TSHZ2: variants seen among roughly 807,000 people sequenced by gnomAD.
TSHZ2 encodes the protein teashirt zinc finger homeobox 2.
Under a neutral mutation model 74.4 loss-of-function variants are expected in TSHZ2, and 21 were observed. The ratio of observed to expected loss-of-function variants is 0.28; its 90% CI spans 0.20 to 0.41. The LOEUF (loss-of-function observed/expected upper bound fraction) is 0.41. TSHZ2 is among the 10% of genes least tolerant of loss of function. The probability of loss-of-function intolerance (pLI) is 1.00; values close to 1 mark genes in which losing one functional copy is unlikely to be tolerated. For missense variants in TSHZ2, 1,244 were observed against 1,293.5 expected, an observed-to-expected ratio of 0.96 and a Z score of 0.59; for synonymous variants, 540 against 515.3, an observed-to-expected ratio of 1.05 and a Z score of -0.65.
In TSHZ2 at chr20:53,305,325, A is replaced by ATGGAGCTACATTTATTATGCTG. The variant is rs1978485259; in HGVS notation, c.*8+48756_*8+48777dup. On this transcript the variant is annotated intron_variant, in intron 2 of 2. Transcript: ENST00000371497. ...ATCTAGGTAAGAAACAATGGAATGGATGGAGCTACATTTATTATGCTGTAG... is the reference window on the plus strand; with the variant it reads ...ATCTAGGTAAGAAACAATGGAATGGATGGAGCTACATTTATTATGCTGTGGAGCTACATTTATTATGCTGTAG... 2.6e-5 allele frequency among the ~76,000 whole-genome samples: 4 copies of ATGGAGCTACATTTATTATGCTG among 152,188 alleles called. No individual in the cohort carries two copies. In the South Asian group the frequency reaches 8.3e-4, roughly 32 times the overall value.
At chr20:53,443,531 T>C (rs895254393) in intron 2 of TSHZ2, among the ~76,000 whole-genome samples, 1 of 152,232 alleles carries the variant, frequency 6.6e-6, no homozygotes, top group African/African-American at 2.4e-5. Context: ...TTAACCCCGA[T>C]TCTTCCATCC....
intron 2 of TSHZ2, among the ~76,000 whole-genome samples, chr20:53,430,935 T>C (rs559416880): frequency 1.9e-4 from 29 of 152,138 alleles, no homozygotes; most frequent in African/African-American, 7.0e-4. Context: ...TTTGTATTTT[T>C]AGTAGAGACA....
chr20:53,077,742 T>C (rs755713556), intron 1 of TSHZ2, among the ~76,000 whole-genome samples: 4 of 152,222 alleles, frequency 2.6e-5, no homozygotes, highest in Admixed American at 6.5e-5. Flanking sequence ...TGGCAATTAA[T>C]AGATCATTCG....
At chr20:53,147,776 G>T (rs937942034) in intron 1 of TSHZ2, among the ~76,000 whole-genome samples, 1 of 152,194 alleles carries the variant, frequency 6.6e-6, no homozygotes, top group Non-Finnish European at 1.5e-5. Context: ...GTGTGCAGTG[G>T]TGCCATCTCT....
chr20:53,200,956 T>C (rs1304416732), intron 1 of TSHZ2, among the ~76,000 whole-genome samples: 1 of 152,176 alleles, frequency 6.6e-6, no homozygotes, highest in Non-Finnish European at 1.5e-5. Context: ...GGGTTGATAG[T>C]AAATGAAGAT....
At chr20:53,347,083 C>A (rs980607542) in intron 2 of TSHZ2, among the ~76,000 whole-genome samples, 7 of 152,158 alleles carry the variant, frequency 4.6e-5, no homozygotes, top group Non-Finnish European at 1.0e-4. Flanking sequence ...CTCACCCTAC[C>A]TTATACAAAA....
chr20:53,077,316 C>T (rs1463264412), intron 1 of TSHZ2, among the ~76,000 whole-genome samples: 2 of 151,118 alleles, frequency 1.3e-5, no homozygotes, highest in African/African-American at 4.9e-5. Flanking sequence ...GAGGCTGAGG[C>T]AGGAGAACCA....
chr20:53,071,869 T>C (rs1239574739), intron 1 of TSHZ2, among the ~76,000 whole-genome samples: 2 of 152,216 alleles, frequency 1.3e-5, no homozygotes, highest in East Asian at 3.8e-4. Flanking sequence ...CACTGAGGGC[T>C]TTGGATTGTC....
At chr20:53,444,730 T>A (rs1015523985) in intron 2 of TSHZ2, among the ~76,000 whole-genome samples, 1 of 152,208 alleles carries the variant, frequency 6.6e-6, no homozygotes, top group Non-Finnish European at 1.5e-5. Flanking sequence ...CCTGTAACCT[T>A]TGGTGTGTAA....
At chr20:53,276,969 A>G (rs1990960410) in intron 2 of TSHZ2, among the ~76,000 whole-genome samples, 1 of 152,188 alleles carries the variant, frequency 6.6e-6, no homozygotes, top group Non-Finnish European at 1.5e-5. Context: ...GTCCATCAGG[A>G]TGACCTATTA....
chr20:53,440,111 TAA>T, intron 2 of TSHZ2, among the ~76,000 whole-genome samples: 1 of 145,490 alleles, frequency 6.9e-6, no homozygotes, highest in East Asian at 2.0e-4. Context: ...TCCTTAGAAT[TAA>T]AAAAAAAAAA....
chr20:53,349,342 G>A (rs1980556089), intron 2 of TSHZ2, among the ~76,000 whole-genome samples: 1 of 152,218 alleles, frequency 6.6e-6, no homozygotes, highest in Non-Finnish European at 1.5e-5. Flanking sequence ...TAAGATATGT[G>A]TCTGAGCCTT....
At chr20:53,483,076 A>C (rs891740638) in intron 2 of TSHZ2, among the ~76,000 whole-genome samples, 2 of 152,238 alleles carry the variant, frequency 1.3e-5, no homozygotes, top group African/African-American at 4.8e-5. Flanking sequence ...AGACTTCTCC[A>C]ATAGAAATAC....
intron 1 of TSHZ2, among the ~76,000 whole-genome samples, chr20:53,115,585 A>T (rs1282476652): frequency 6.6e-6 from 1 of 152,216 alleles, no homozygotes; most frequent in Admixed American, 6.5e-5. Flanking sequence ...TATTAGCAGC[A>T]TGAGAACAGA....
intron 2 of TSHZ2, among the ~76,000 whole-genome samples, chr20:53,347,447 A>C (rs1600822846): frequency 6.6e-6 from 1 of 151,012 alleles, no homozygotes; most frequent in East Asian, 2.0e-4. Context: ...GCCCAGTGTC[A>C]CCTCCCCAGC....
At chr20:53,076,025 T>A (rs1296633533) in intron 1 of TSHZ2, among the ~76,000 whole-genome samples, 1 of 152,208 alleles carries the variant, frequency 6.6e-6, no homozygotes, top group African/African-American at 2.4e-5. Flanking sequence ...CCAGATGATC[T>A]TCAAGGTTCC....
rs559606701 is a variant in TSHZ2 at position 52,994,152 on chromosome 20, C to T, written c.40+20819C>T. On this transcript the variant is annotated intron_variant, in intron 1 of 2. Coordinates refer to ENST00000371497, the MANE Select transcript of TSHZ2 (RefSeq NM_173485.6). ...ATATTTATTAATTTACATTGTTTTCCGGCCCCTGTGCTGTGTATCAGGGCT... is the reference window on the plus strand; with the variant it reads ...ATATTTATTAATTTACATTGTTTTCTGGCCCCTGTGCTGTGTATCAGGGCT... Among the ~76,000 whole-genome samples the T allele has an allele frequency of 1.1e-4, 17 of 152,234 alleles. No homozygotes were observed. The East Asian group carries it at 2.1e-3, about 19-fold the overall frequency.
chr20:53,324,019 C>T (rs1979392514), intron 2 of TSHZ2, among the ~76,000 whole-genome samples: 1 of 152,188 alleles, frequency 6.6e-6, no homozygotes, highest in African/African-American at 2.4e-5. Flanking sequence ...ACGCCCTGTT[C>T]ATCTGTACAC....
At chr20:52,998,945 G>A (rs183602829) in intron 1 of TSHZ2, among the ~76,000 whole-genome samples, 33 of 152,258 alleles carry the variant, frequency 2.2e-4, no homozygotes, top group Middle Eastern at 3.4e-3. Context: ...CAACTCAACC[G>A]AACTACTATT....
Sources: allele counts gnomAD v4.1 joint callset (sites outside exome capture counted in the v4.1 genomes callset), GRCh38; gene constraint gnomAD v4.1.1; transcripts MANE v1.5; gene names NCBI Gene and HGNC (gene_info 2026-07-23, HGNC 2026-07-21).